ECPAS: variants seen among roughly 807,000 people sequenced by gnomAD.
ECPAS encodes the protein proteasome adapter and scaffold protein ECM29.
In ECPAS, 70 loss-of-function variants were observed where a neutral mutation model predicts 255.1. The observed-to-expected ratio is 0.27, with a 90% confidence interval of 0.23 to 0.33. ECPAS has a LOEUF of 0.33. Ranked by LOEUF, ECPAS falls within the 10% of genes least tolerant of loss-of-function variation. The probability of loss-of-function intolerance (pLI) is 1.00; values close to 1 mark genes in which losing one functional copy is unlikely to be tolerated. For synonymous variants in ECPAS, 784 were observed against 775.0 expected, an observed-to-expected ratio of 1.01 and a Z score of -0.19; for missense variants, 1,817 against 2,206.4, an observed-to-expected ratio of 0.82 and a Z score of 3.54.
chr9:111,393,708 T>C lies in ECPAS; in HGVS notation c.2949A>G (p.Ala983=). 9 of 1,588,250 alleles carry C rather than the reference T, an allele frequency of 5.7e-6. No individual in the cohort carries two copies. Among genetic ancestry groups the C allele is most frequent in the African/African-American group, 2.7e-5 (2 of 74,480 alleles). ...CATTTTCTGATAGAACTGAAACAAA[T>C]GCACTTTGAATTTCTTTAAGATGAG... The part of the protein sequence containing the change: ...VKSHLKEIQS[A]FVSVLSENDE... The change falls in exon 27 of 50, where the codon GCA becomes GCG. Residue 983 remains alanine, a synonymous_variant. Coordinates refer to ENST00000684092, the MANE Select transcript of ECPAS (RefSeq NM_001364929.1).
chr9:111,398,805 T>C (rs2098171270), intron 24 of ECPAS, among the ~76,000 whole-genome samples: 1 of 151,928 alleles, frequency 6.6e-6, no homozygotes, highest in Non-Finnish European at 1.5e-5. Context: ...GGCATGGTGG[T>C]GTAAGCCTGT....
At chr9:111,453,180 G>A (rs2098262599) in intron 2 of ECPAS, among the ~76,000 whole-genome samples, 1 of 152,138 alleles carries the variant, frequency 6.6e-6, no homozygotes, top group Non-Finnish European at 1.5e-5. Flanking sequence ...CTGGGAGGTT[G>A]AGGCTACAGT....
chr9:111,402,923 C>CA (rs2098178340), intron 24 of ECPAS, among the ~76,000 whole-genome samples: 1 of 151,830 alleles, frequency 6.6e-6, no homozygotes, highest in Non-Finnish European at 1.5e-5. Context: ...AACCAGAAAA[C>CA]AAAAAACAAA....
At chr9:111,415,056 G>A (rs938898053) in intron 18 of ECPAS, among the ~76,000 whole-genome samples, 1 of 152,092 alleles carries the variant, frequency 6.6e-6, no homozygotes, top group Non-Finnish European at 1.5e-5. Flanking sequence ...GGAGGAGGGA[G>A]AGGAGCAGAA....
At position 111,422,121 on chromosome 9, in the gene ECPAS, G is replaced by C. The variant is rs750963991; in HGVS notation, c.1332+13C>G. On this transcript the variant is annotated intron_variant, in intron 14 of 49. Coordinates refer to ENST00000684092, the MANE Select transcript of ECPAS (RefSeq NM_001364929.1). ...CCAAACACAAAGCATAAACTTAGCA[G>C]CTGTTTCCCTACCTTGCAAAGGGCT... 1 of 1,613,764 alleles carries C rather than the reference G, an allele frequency of 6.2e-7. No individual in the cohort carries two copies. Among genetic ancestry groups the C allele is most frequent in the South Asian group, 1.1e-5 (1 of 91,078 alleles).
intron 2 of ECPAS, among the ~76,000 whole-genome samples, chr9:111,462,838 G>T (rs963866424): frequency 2.0e-5 from 3 of 149,772 alleles, no homozygotes; most frequent in African/African-American, 7.4e-5. Context: ...TGCCTCCCAG[G>T]TTCAAGCGAT....
intron 6 of ECPAS, 70 bp downstream of exon 6, chr9:111,440,302 T>C: frequency 7.2e-7 from 1 of 1,381,660 alleles, no homozygotes; most frequent in Non-Finnish European, 9.8e-7. Flanking sequence ...AGTTTAATCA[T>C]TTAAAATAGT....
chr9:111,447,018 A>G (rs555655287), intron 3 of ECPAS, among the ~76,000 whole-genome samples: 1 of 152,340 alleles, frequency 6.6e-6, no homozygotes, highest in African/African-American at 2.4e-5. Flanking sequence ...CTCTTCTGAC[A>G]TTGTAATCTA....
chr9:111,377,064 C>A (rs1270714563), intron 36 of ECPAS, among the ~76,000 whole-genome samples: 1 of 152,124 alleles, frequency 6.6e-6, no homozygotes, highest in African/African-American at 2.4e-5. Flanking sequence ...AAAGTTTAGA[C>A]TAGAATTTAT....
intron 13 of ECPAS, among the ~76,000 whole-genome samples, chr9:111,422,671 G>A (rs117507236): frequency 0.02 from 2,998 of 152,226 alleles, 43 homozygotes; most frequent in Non-Finnish European, 0.021. Context: ...TGCACTGGGC[G>A]TGGAAGCAGC....
At chr9:111,436,119 A>T (rs1276897807) in intron 7 of ECPAS, among the ~76,000 whole-genome samples, 2 of 151,834 alleles carry the variant, frequency 1.3e-5, no homozygotes, top group Non-Finnish European at 2.9e-5. Context: ...TAAATTTGTG[A>T]ATGGCAAGAA....
chr9:111,389,904 A>C, intron 30 of ECPAS, 80 bp downstream of exon 30: 2 of 1,160,826 alleles, frequency 1.7e-6, no homozygotes, highest in Non-Finnish European at 2.5e-6. Context: ...TGCACTACAT[A>C]CCATTTGCCA....
intron 2 of ECPAS, among the ~76,000 whole-genome samples, chr9:111,458,601 TG>T (rs2098269632): frequency 7.0e-6 from 1 of 142,252 alleles, no homozygotes. Context: ...TTCAGCCAGG[TG>T]ATTAGGGGAG....
chr9:111,416,896 G>A (rs1218659047), intron 17 of ECPAS, among the ~76,000 whole-genome samples: 2 of 152,164 alleles, frequency 1.3e-5, no homozygotes, highest in East Asian at 1.9e-4. Flanking sequence ...GGATCTACTA[G>A]CAGAAAACAC....
chr9:111,409,778 G>A (rs1040696017), intron 23 of ECPAS, among the ~76,000 whole-genome samples: 3 of 151,932 alleles, frequency 2.0e-5, no homozygotes, highest in Non-Finnish European at 4.4e-5. Context: ...ATTTCCTGAT[G>A]AATTTAATAC....
intron 7 of ECPAS, among the ~76,000 whole-genome samples, chr9:111,436,099 A>G (rs1316024935): frequency 6.6e-6 from 1 of 151,768 alleles, no homozygotes; most frequent in African/African-American, 2.4e-5. Flanking sequence ...TCACTCAATA[A>G]AACATTCTAT....
intron 6 of ECPAS, among the ~76,000 whole-genome samples, chr9:111,438,013 T>G (rs956906790): frequency 2.6e-5 from 4 of 152,210 alleles, no homozygotes; most frequent in Non-Finnish European, 5.9e-5. Flanking sequence ...TATTCCACAT[T>G]ACTTACATGT....
chr9:111,460,629 T>C (rs558818710), intron 2 of ECPAS, among the ~76,000 whole-genome samples: 4 of 152,254 alleles, frequency 2.6e-5, no homozygotes, highest in Admixed American at 6.5e-5. Context: ...CACAAATCAA[T>C]TGGTTTCCTA....
intron 2 of ECPAS, among the ~76,000 whole-genome samples, chr9:111,470,675 C>A (rs2098286448): frequency 6.6e-6 from 1 of 151,378 alleles, no homozygotes; most frequent in Non-Finnish European, 1.5e-5. Flanking sequence ...AACAAGGCTA[C>A]CCCTCCCTGA....
Sources: gnomAD v4.1 joint callset for allele counts (sites outside exome capture counted in the v4.1 genomes callset) on GRCh38, gnomAD v4.1.1 for gene constraint, MANE v1.5 for transcripts, NCBI Gene and HGNC (gene_info 2026-07-23, HGNC 2026-07-21) for gene names.